Variants in ASIC2 observed in about 807,000 individuals in gnomAD.
The protein encoded by ASIC2 is acid sensing ion channel subunit 2.
ASIC2 carries 25 observed loss-of-function variants against 57.3 expected under a neutral mutation model. That is an observed-to-expected ratio of 0.44 (90% CI 0.32 to 0.61). The LOEUF (loss-of-function observed/expected upper bound fraction) is 0.61, where lower values mean the gene tolerates loss of function less well. Ranked by LOEUF, ASIC2 falls within the 20% of genes least tolerant of loss-of-function variation. The pLI, the probability that ASIC2 is intolerant of heterozygous loss-of-function variation, is 0.06. For synonymous variants in ASIC2, 319 were observed against 307.5 expected, an observed-to-expected ratio of 1.04 and a Z score of -0.39; for missense variants, 641 against 738.1, an observed-to-expected ratio of 0.87 and a Z score of 1.52.
intron 1 of ASIC2, among the ~76,000 whole-genome samples, chr17:33,940,153 G>A (rs1012027760): frequency 3.9e-5 from 6 of 152,144 alleles, no homozygotes; most frequent in Admixed American, 1.3e-4. Flanking sequence ...ACTAGGCAGC[G>A]TGCCCAACTC....
Position 33,013,246 on chromosome 17 carries a change from A to C in ASIC2, c.*719T>G, listed in dbSNP as rs1381336689. ...AACAAATCTCCATCGGACAAACATA[A>C]AAGCCCCCCTACCCCAGATAAAAAG... On this transcript the variant is annotated 3_prime_UTR_variant, in exon 10 of 10. Transcript: ENST00000225823. 1 of 152,326 alleles carries C rather than the reference A, an allele frequency of 6.6e-6. No homozygotes were observed. The highest frequency in any genetic ancestry group is 1.5e-5 in the Non-Finnish European group (1 of 68,068). 9.4% of individuals were successfully genotyped at this position (152,326 alleles called of 1,614,324 possible).
chr17:33,866,681 C>T (rs17783671), intron 1 of ASIC2, among the ~76,000 whole-genome samples: 42,147 of 152,000 alleles, frequency 0.28, 6,701 homozygotes, highest in East Asian at 0.61. Context: ...AGGTACCAAT[C>T]GTCCCATAAA....
chr17:33,333,668 C>A (rs1200112149), intron 1 of ASIC2, among the ~76,000 whole-genome samples: 1 of 151,858 alleles, frequency 6.6e-6, no homozygotes, highest in Non-Finnish European at 1.5e-5. Context: ...ATAAAATAAG[C>A]TTTATTATAA....
At chr17:33,596,851 C>T (rs1049405314) in intron 1 of ASIC2, among the ~76,000 whole-genome samples, 1 of 152,194 alleles carries the variant, frequency 6.6e-6, no homozygotes, top group African/African-American at 2.4e-5. Flanking sequence ...TGGGCAGGGC[C>T]AGAGCGGGTA....
chr17:33,185,272 ATTCAGGG>A (rs1906145802), intron 1 of ASIC2, among the ~76,000 whole-genome samples: 1 of 152,126 alleles, frequency 6.6e-6, no homozygotes, highest in Non-Finnish European at 1.5e-5. Context: ...ATGACATGCT[ATTCAGGG>A]TTCAGGAGAA....
chr17:33,186,152 C>T (rs1029429409), intron 1 of ASIC2, among the ~76,000 whole-genome samples: 1 of 151,982 alleles, frequency 6.6e-6, no homozygotes, highest in African/African-American at 2.4e-5. Flanking sequence ...GCTTTGTTTC[C>T]CAGGCTGGAG....
At chr17:33,718,586 ACTTAGATTAAAT>A (rs1186245300) in intron 1 of ASIC2, among the ~76,000 whole-genome samples, 1 of 152,160 alleles carries the variant, frequency 6.6e-6, no homozygotes, top group Non-Finnish European at 1.5e-5. Flanking sequence ...GACAGGGGTG[ACTTAGATTAAAT>A]CAACTAGAAA....
At chr17:34,115,653 G>A (rs756272762) in intron 1 of ASIC2, among the ~76,000 whole-genome samples, 4 of 152,122 alleles carry the variant, frequency 2.6e-5, no homozygotes, top group African/African-American at 4.8e-5. Flanking sequence ...TAACCAGGCC[G>A]AACATTTTCA....
intron 2 of ASIC2, among the ~76,000 whole-genome samples, chr17:33,098,838 A>G (rs919359983): frequency 6.6e-6 from 1 of 152,134 alleles, no homozygotes; most frequent in East Asian, 1.9e-4. Context: ...TTCAAATCCT[A>G]TTCTACTACT....
intron 1 of ASIC2, among the ~76,000 whole-genome samples, chr17:33,789,501 C>CACAT (rs1491161874): frequency 4.0e-4 from 60 of 151,316 alleles, no homozygotes; most frequent in African/African-American, 1.4e-3. Context: ...CACACACACA[C>CACAT]ACGTGCAGCA....
At chr17:33,866,071 T>C (rs1175431915) in intron 1 of ASIC2, among the ~76,000 whole-genome samples, 1 of 152,238 alleles carries the variant, frequency 6.6e-6, no homozygotes, top group Non-Finnish European at 1.5e-5. Context: ...TGTGCATTTT[T>C]ATGTAGTCAT....
At chr17:34,122,643 C>G (rs1246192396) in intron 1 of ASIC2, among the ~76,000 whole-genome samples, 1 of 152,222 alleles carries the variant, frequency 6.6e-6, no homozygotes, top group Non-Finnish European at 1.5e-5. Flanking sequence ...CAGAGCAGAG[C>G]ATAAAACCAT....
At chr17:33,522,063 G>C (rs1914758543) in intron 1 of ASIC2, among the ~76,000 whole-genome samples, 1 of 152,164 alleles carries the variant, frequency 6.6e-6, no homozygotes, top group Non-Finnish European at 1.5e-5. Flanking sequence ...GGGCTGCATA[G>C]AGGAGCATCC....
At chr17:33,328,505 T>G (rs576727780) in intron 1 of ASIC2, among the ~76,000 whole-genome samples, 74 of 152,288 alleles carry the variant, frequency 4.9e-4, no homozygotes, top group Non-Finnish European at 7.1e-4. Context: ...ATGCTGTAGA[T>G]CTTGATGCCC....
chr17:33,233,547 CACACACACACAT>C (rs748447934), intron 1 of ASIC2, among the ~76,000 whole-genome samples: 7 of 99,514 alleles, frequency 7.0e-5, no homozygotes, highest in East Asian at 2.6e-4. Context: ...CACACACACA[CACACACACACAT>C]GGCATAAGCA....
intron 1 of ASIC2, among the ~76,000 whole-genome samples, chr17:33,939,961 G>A (rs1395136174): frequency 6.6e-6 from 1 of 152,122 alleles, no homozygotes; most frequent in Non-Finnish European, 1.5e-5. Flanking sequence ...ATCTCATCAA[G>A]GTGACTCCTG....
intron 1 of ASIC2, among the ~76,000 whole-genome samples, chr17:34,099,767 AAAG>A (rs1910779391): frequency 1.1e-4 from 4 of 36,342 alleles, no homozygotes; most frequent in East Asian, 6.9e-4. Context: ...AGAAAGAAAG[AAAG>A]AAAGAAAGAA....
At chr17:33,579,540 C>G (rs905537516) in intron 1 of ASIC2, among the ~76,000 whole-genome samples, 1 of 152,100 alleles carries the variant, frequency 6.6e-6, no homozygotes, top group East Asian at 1.9e-4. Flanking sequence ...GGTCTCCCTG[C>G]CTTCAAGAAT....
chr17:34,023,354 T>TTC (rs371665567), intron 1 of ASIC2, among the ~76,000 whole-genome samples: 20 of 135,626 alleles, frequency 1.5e-4, no homozygotes, highest in Admixed American at 3.1e-4. Flanking sequence ...CTGTTTCTCT[T>TTC]TCTCTCTCTC....
Sources: allele counts gnomAD v4.1 joint callset (sites outside exome capture counted in the v4.1 genomes callset), GRCh38; gene constraint gnomAD v4.1.1; transcripts MANE v1.5; gene names NCBI Gene and HGNC (gene_info 2026-07-23, HGNC 2026-07-21).